SRP19: variants seen among roughly 807,000 people sequenced by gnomAD.
SRP19 encodes signal recognition particle 19.
Under a neutral mutation model 22.4 loss-of-function variants are expected in SRP19, and 11 were observed. That is an observed-to-expected ratio of 0.49 (90% CI 0.31 to 0.81). The LOEUF (loss-of-function observed/expected upper bound fraction) is 0.81. Ranked by LOEUF, SRP19 falls within the 40% of genes least tolerant of loss-of-function variation. The probability of loss-of-function intolerance (pLI) is 0.05; values close to 1 mark genes in which losing one functional copy is unlikely to be tolerated. For missense variants in SRP19, 168 were observed against 175.9 expected (o/e 0.96, Z 0.25); for synonymous variants, 61 against 57.6 (o/e 1.06, Z -0.27).
chr5:112,884,786 C>A (rs533369725), intron 4 of SRP19, among the ~76,000 whole-genome samples: 41 of 151,774 alleles, frequency 2.7e-4, no homozygotes, highest in African/African-American at 5.1e-4. Flanking sequence ...TTGGCCCCCC[C>A]CCATCTTTCT....
intron 4 of SRP19, among the ~76,000 whole-genome samples, chr5:112,890,621 A>T (rs1336097223): frequency 6.7e-6 from 1 of 150,210 alleles, no homozygotes; most frequent in Non-Finnish European, 1.5e-5. Context: ...CAAGTGATCC[A>T]CCCATCTCAG....
At chr5:112,898,206 A>C (rs1768751510) in exon 4 of SRP19, 1 of 152,178 alleles carries the variant, frequency 6.6e-6, no homozygotes, top group Non-Finnish European at 1.5e-5. Context: ...TACAGACGAG[A>C]CTCTGCAATT....
downstream of SRP19, among the ~76,000 whole-genome samples, chr5:112,870,892 G>A (rs1767744200): frequency 6.6e-6 from 1 of 152,104 alleles, no homozygotes; most frequent in Non-Finnish European, 1.5e-5. Flanking sequence ...AATACACATT[G>A]CCCAGGCTGG....
At chr5:112,872,833 T>C (rs1339902779), downstream of SRP19, among the ~76,000 whole-genome samples, 2 of 152,204 alleles carry the variant, frequency 1.3e-5, no homozygotes, top group African/African-American at 4.8e-5. Context: ...GTTCTCAGGA[T>C]CTTCCCCAGA....
Position 112,867,422 on chromosome 5 carries a change from A to G in SRP19, c.320A>G (p.Tyr107Cys). Residue 107 changes from tyrosine to cysteine, a missense_variant, in exon 5 of 5, where the codon TAT becomes TGT. By Grantham distance (194) the Tyr-to-Cys change is radical (BLOSUM62 -2). Transcript: ENST00000505459. ...QFPSRKSVMLYAAEMIPKLKT... is the reference protein window; with the variant it reads ...QFPSRKSVMLCAAEMIPKLKT... Reference sequence around the variant, plus strand: ...TTCCTAGGTAAGTCAGTAATGTTGTATGCAGCAGAAATGATACCTAAACTA... The same window carrying G: ...TTCCTAGGTAAGTCAGTAATGTTGTGTGCAGCAGAAATGATACCTAAACTA... 1.2e-6 allele frequency: 2 copies of G among 1,613,928 alleles called. No homozygotes were observed. The highest frequency in any genetic ancestry group is 1.1e-5 in the South Asian group (1 of 91,064).
chr5:112,884,587 G>A (rs1768177156), intron 4 of SRP19, among the ~76,000 whole-genome samples: 1 of 151,848 alleles, frequency 6.6e-6, no homozygotes, highest in Non-Finnish European at 1.5e-5. Flanking sequence ...AGGAGACCCT[G>A]TCACAAACAA....
downstream of SRP19, chr5:112,896,369 C>G (rs1393484139): frequency 2.0e-5 from 3 of 151,684 alleles, no homozygotes; most frequent in East Asian, 2.0e-4. Flanking sequence ...ACTAAAAATA[C>G]AAAATTTGCC....
At chr5:112,896,314 A>T (rs1768678923), downstream of SRP19, 1 of 152,472 alleles carries the variant, frequency 6.6e-6, no homozygotes, top group South Asian at 2.1e-4. Flanking sequence ...ACCTGAGGTC[A>T]GGAGTTTGAG....
chr5:112,871,754 G>C (rs1023973078), downstream of SRP19, among the ~76,000 whole-genome samples: 1 of 151,954 alleles, frequency 6.6e-6, no homozygotes, highest in African/African-American at 2.4e-5. Context: ...GTGAAACTCC[G>C]TCTCAAAAAA....
downstream of SRP19, chr5:112,897,221 CATACACACAGAGTTCTGTTTTTATTT>C (rs1768712019): frequency 6.6e-6 from 1 of 152,094 alleles, no homozygotes; most frequent in Non-Finnish European, 1.5e-5. Flanking sequence ...TATATATACA[CATACACACAGAGTTCTGTTTTTATTT>C]ATATACACAG....
chr5:112,892,955 G>A, exon 5 of SRP19: 3 of 1,595,348 alleles, frequency 1.9e-6, no homozygotes, highest in African/African-American at 1.3e-5. Context: ...TGGGACCAGG[G>A]CCGCCGGAGC....
rs1298528043 is a variant in SRP19, at chr5:112,890,357, CA to C, written c.302-1242del. ...TAGTAAGAATACAGAATAAAGAACA[CA>C]AAATTTAAGTCTTTTTTTTTTTTTA... is the stretch of plus-strand genomic sequence containing the variant. On this transcript the variant is annotated intron_variant, in intron 4 of 4. Coordinates refer to the SRP19 transcript ENST00000391338. 2.9e-5 allele frequency among the ~76,000 whole-genome samples: 4 copies of C among 137,694 alleles called. 1 individual carries two copies. The highest frequency in any genetic ancestry group is 1.3e-4 in the African/African-American group (4 of 31,704). The allele number at this position is 137,694 out of a possible 152,430, so 90.3% of individuals were successfully genotyped here. A position where few individuals can be genotyped will look rare whatever the true frequency, so the allele number is the denominator to read the frequency against.
exon 5 of SRP19, chr5:112,892,320 C>T (rs550786485): frequency 7.1e-5 from 115 of 1,613,954 alleles, no homozygotes; most frequent in Non-Finnish European, 9.0e-5. Flanking sequence ...ATGACCCTGA[C>T]GCAAGCCTGG....
In SRP19 at chr5:112,891,935, AGGC is replaced by A. The variant is rs751804570; in HGVS notation, c.*332_*334del. The A allele has an allele frequency of 4.0e-6, 5 of 1,252,450 alleles. No homozygotes were observed. In the South Asian group the frequency reaches 4.8e-5, roughly 12 times the overall value. The allele number at this position is 1,252,450 out of a possible 1,614,324, so 77.6% of individuals were successfully genotyped here. On this transcript the variant is annotated 3_prime_UTR_variant, in exon 5 of 5. Transcript: ENST00000391338. Reference sequence around the variant, plus strand: ...TTCAGAATAAAGAAGGAAAAGGAAGAGGCGGCTAAAAAATGGCTAGAAGAACAA... The same window carrying A: ...TTCAGAATAAAGAAGGAAAAGGAAGAGGCTAAAAAATGGCTAGAAGAACAA...
chr5:112,875,390 A>G (rs548393818), intron 4 of SRP19, among the ~76,000 whole-genome samples: 3 of 148,976 alleles, frequency 2.0e-5, no homozygotes, highest in African/African-American at 7.4e-5. Flanking sequence ...TTTTTTTGAG[A>G]CAGGGTCTGG....
chr5:112,864,796 G>A (rs2150026027), intron 4 of SRP19, 64 bp downstream of exon 4: 23 of 1,309,420 alleles, frequency 1.8e-5, no homozygotes, highest in Non-Finnish European at 2.2e-5. Flanking sequence ...ACACAAAAAA[G>A]GTTCTAAAAC....
At chr5:112,871,133 C>G (rs1265451409), downstream of SRP19, among the ~76,000 whole-genome samples, 1 of 152,042 alleles carries the variant, frequency 6.6e-6, no homozygotes, top group Non-Finnish European at 1.5e-5. Flanking sequence ...TTTAAGATAC[C>G]CAGTCTGTGG....
chr5:112,880,011 G>A (rs974822474), intron 4 of SRP19, among the ~76,000 whole-genome samples: 11 of 151,986 alleles, frequency 7.2e-5, no homozygotes, highest in African/African-American at 1.7e-4. Context: ...ATACTAAATT[G>A]TTTTTAAAAT....
chr5:112,890,213 T>C (rs1046731456), intron 4 of SRP19, among the ~76,000 whole-genome samples: 2 of 150,318 alleles, frequency 1.3e-5, no homozygotes, highest in Non-Finnish European at 2.9e-5. Context: ...TGGCTTGACC[T>C]TGGGAGGTCG....
Sources: gnomAD v4.1 joint callset for allele counts (sites outside exome capture counted in the v4.1 genomes callset) on GRCh38, gnomAD v4.1.1 for gene constraint, MANE v1.5 for transcripts, NCBI Gene and HGNC (gene_info 2026-07-23, HGNC 2026-07-21) for gene names.